Variants in CACNA1C observed in about 807,000 individuals in gnomAD.
The protein encoded by CACNA1C is voltage-dependent L-type calcium channel subunit alpha-1C.
Under a neutral mutation model 229.0 loss-of-function variants are expected in CACNA1C, and 30 were observed. That is an observed-to-expected ratio of 0.13 (90% confidence interval 0.10 to 0.18). CACNA1C has a LOEUF of 0.18. CACNA1C is among the 10% of genes least tolerant of loss of function. The pLI, the probability that CACNA1C is intolerant of heterozygous loss-of-function variation, is 1.00. For missense variants in CACNA1C, 1,658 were observed against 2,845.0 expected, an observed-to-expected ratio of 0.58 and a Z score of 9.49; for synonymous variants, 1,114 against 1,132.5, an observed-to-expected ratio of 0.98 and a Z score of 0.33.
rs1161725054 is a variant in CACNA1C, at chr12:2,607,019, A to C, written c.3245A>C (p.Asp1082Ala). Reference sequence around the variant, plus strand: ...ATCACGTACAAAGACGGGGAGGTTGACCACCCCATCATCCAACCCCGCAGC... The same window carrying C: ...ATCACGTACAAAGACGGGGAGGTTGCCCACCCCATCATCCAACCCCGCAGC... Reference protein sequence around the residue: ...NYITYKDGEVDHPIIQPRSWE... With the variant: ...NYITYKDGEVAHPIIQPRSWE... The change falls in exon 26 of 47, where the codon GAC becomes GCC. Residue 1082 changes from aspartate to alanine, a missense_variant. Around this residue, in one of 20 missense-constraint regions of CACNA1C, gnomAD observed 77 missense variants for 130.9 expected, o/e 0.59. Coordinates refer to ENST00000399655, the MANE Select transcript of CACNA1C (RefSeq NM_000719.7). The C allele has an allele frequency of 3.1e-6, 5 of 1,613,950 alleles. No individual in the cohort carries two copies. Among genetic ancestry groups the C allele is most frequent in the Non-Finnish European group, 4.2e-6 (5 of 1,179,880 alleles).
chr12:2,290,430 C>A (rs1055300123), intron 3 of CACNA1C, among the ~76,000 whole-genome samples: 6 of 152,186 alleles, frequency 3.9e-5, no homozygotes, highest in African/African-American at 1.4e-4. Flanking sequence ...CAACAGAAAT[C>A]TTGGAGCAGA....
At chr12:2,240,487 C>T (rs2069496938) in intron 3 of CACNA1C, among the ~76,000 whole-genome samples, 1 of 152,198 alleles carries the variant, frequency 6.6e-6, no homozygotes, top group Non-Finnish European at 1.5e-5. Context: ...ACAAAAGCCA[C>T]TGATAGGGCT....
At chr12:2,503,578 A>G (rs2099765267) in intron 7 of CACNA1C, among the ~76,000 whole-genome samples, 2 of 152,070 alleles carry the variant, frequency 1.3e-5, no homozygotes, top group South Asian at 4.2e-4. Flanking sequence ...TTGCTTGCCT[A>G]TCTCTGTGGT....
At chr12:2,581,929 C>A (rs2060626227) in intron 14 of CACNA1C, 132 bp downstream of exon 14, 1 of 572,654 alleles carries the variant, frequency 1.7e-6, no homozygotes, top group South Asian at 2.8e-5. Flanking sequence ...GAGCCCATGC[C>A]CGGGAGAGTC....
intron 29 of CACNA1C, 22 bp from the exon 30 acceptor site, chr12:2,634,275 C>T (rs1428775405): frequency 1.5e-6 from 2 of 1,374,794 alleles, no homozygotes; most frequent in Non-Finnish European, 2.0e-6. Context: ...CTCTCTCTCC[C>T]CGGCTGCTCT....
intron 3 of CACNA1C, among the ~76,000 whole-genome samples, chr12:2,137,236 T>C (rs1013072360): frequency 2.6e-5 from 4 of 151,428 alleles, no homozygotes; most frequent in African/African-American, 4.8e-5. Flanking sequence ...AGCCCTGGGC[T>C]CTGGTTCCAG....
At chr12:2,247,436 G>A (rs111709791) in intron 3 of CACNA1C, among the ~76,000 whole-genome samples, 1,710 of 152,304 alleles carry the variant, frequency 0.011, 25 homozygotes, top group African/African-American at 0.039. Flanking sequence ...TAACCTTCGT[G>A]GGGAAATTCC....
At chr12:2,369,040 G>T (rs907637561) in intron 3 of CACNA1C, among the ~76,000 whole-genome samples, 62 of 152,130 alleles carry the variant, frequency 4.1e-4, no homozygotes, top group African/African-American at 1.4e-3. Context: ...AAATAAATGT[G>T]TCCAAAATAA....
chr12:1,992,409 T>C (rs1205271311), intron 1 of CACNA1C: 1 of 153,138 alleles, frequency 6.5e-6, no homozygotes, highest in South Asian at 2.0e-4. Flanking sequence ...GGCAAATTCA[T>C]GTATCTTGAG....
intron 1 of CACNA1C, among the ~76,000 whole-genome samples, chr12:2,008,279 G>A (rs922598349): frequency 7.2e-5 from 11 of 151,992 alleles, no homozygotes; most frequent in African/African-American, 1.7e-4. Flanking sequence ...CACCATGCCC[G>A]GCCAATGTTT....
chr12:2,094,316 G>A (rs772756076), intron 1 of CACNA1C, among the ~76,000 whole-genome samples: 8 of 152,146 alleles, frequency 5.3e-5, no homozygotes, highest in Admixed American at 1.3e-4. Context: ...GAGTTCCGGT[G>A]GTCCTAGCCC....
intron 3 of CACNA1C, among the ~76,000 whole-genome samples, chr12:2,292,685 G>A (rs1289142657): frequency 6.6e-6 from 1 of 152,200 alleles, no homozygotes; most frequent in Non-Finnish European, 1.5e-5. Flanking sequence ...GGGTGAGCAG[G>A]GCAGAGACTG....
At chr12:2,250,952 C>G (rs2075370235) in intron 3 of CACNA1C, among the ~76,000 whole-genome samples, 1 of 152,202 alleles carries the variant, frequency 6.6e-6, no homozygotes, top group Non-Finnish European at 1.5e-5. Context: ...TCCCATCCAC[C>G]CTGGTGACTT....
At chr12:2,043,097 G>T (rs917366) in intron 1 of CACNA1C, among the ~76,000 whole-genome samples, 60,509 of 151,932 alleles carry the variant, frequency 0.4, 13,506 homozygotes, top group East Asian at 0.67. Flanking sequence ...ATAAATGATT[G>T]CAATATTACT....
At chr12:2,173,387 C>A (rs974919797) in intron 3 of CACNA1C, among the ~76,000 whole-genome samples, 3 of 152,120 alleles carry the variant, frequency 2.0e-5, no homozygotes, top group African/African-American at 7.2e-5. Flanking sequence ...TCTTACCCCA[C>A]AAGAGCTTAT....
intron 4 of CACNA1C, among the ~76,000 whole-genome samples, chr12:2,456,995 G>A (rs562888050): frequency 2.6e-5 from 4 of 152,192 alleles, no homozygotes; most frequent in Non-Finnish European, 4.4e-5. Flanking sequence ...TCTCAGTTAC[G>A]TGCACGTGTG....
At chr12:2,527,652 A>G (rs1209957223) in intron 9 of CACNA1C, among the ~76,000 whole-genome samples, 1 of 152,256 alleles carries the variant, frequency 6.6e-6, no homozygotes, top group East Asian at 1.9e-4. Context: ...AATATTCAGA[A>G]TTAGAGTCTC....
chr12:2,523,880 C>A (rs935838145), intron 9 of CACNA1C, among the ~76,000 whole-genome samples: 3 of 152,178 alleles, frequency 2.0e-5, no homozygotes, highest in African/African-American at 7.2e-5. Flanking sequence ...CTACAGTTAC[C>A]CTTGCCTCCC....
intron 3 of CACNA1C, among the ~76,000 whole-genome samples, chr12:2,282,570 A>T (rs1172637606): frequency 2.6e-5 from 4 of 151,370 alleles, no homozygotes; most frequent in South Asian, 2.1e-4. Context: ...CACCAAAACC[A>T]CTCCTTCCCT....
Sources: allele counts gnomAD v4.1 joint callset (sites outside exome capture counted in the v4.1 genomes callset), GRCh38; gene constraint gnomAD v4.1.1; regional missense constraint gnomAD v4.1.1; transcripts MANE v1.5; gene names NCBI Gene and HGNC (gene_info 2026-07-23, HGNC 2026-07-21).